The following PARG variants were observed in gnomAD, a reference collection of about 807,000 sequenced individuals.
The protein encoded by PARG is poly(ADP-ribose) glycohydrolase.
In PARG, 35 loss-of-function variants were observed where a neutral mutation model predicts 113.0. That is an observed-to-expected ratio of 0.31 (90% CI 0.24 to 0.41). The LOEUF (loss-of-function observed/expected upper bound fraction) is 0.41, where lower values mean the gene tolerates loss of function less well. Ranked by LOEUF, PARG falls within the 10% of genes least tolerant of loss-of-function variation. The pLI is 1.00. For missense variants in PARG, 797 were observed against 1,169.4 expected (o/e 0.68, Z 4.64); for synonymous variants, 330 against 409.9 (o/e 0.81, Z 2.36).
At chr10:49,821,620 T>TC (rs1275932599) in intron 16 of PARG, among the ~76,000 whole-genome samples, 38 of 152,358 alleles carry the variant, frequency 2.5e-4, no homozygotes, top group African/African-American at 8.9e-4. Context: ...CCTCAAGTGA[T>TC]CTGCCCGTCT....
At chr10:49,878,426 T>G (rs1443965990) in intron 9 of PARG, among the ~76,000 whole-genome samples, 2 of 149,938 alleles carry the variant, frequency 1.3e-5, no homozygotes, top group Non-Finnish European at 3.0e-5. Flanking sequence ...GACACCAGCC[T>G]GGCCAACATG....
intron 13 of PARG, among the ~76,000 whole-genome samples, chr10:49,852,557 C>T (rs1554834371): frequency 6.9e-6 from 1 of 144,302 alleles, no homozygotes; most frequent in African/African-American, 2.5e-5. Context: ...TGGCTACTTT[C>T]TTCTTCTTCT....
At chr10:49,837,992 C>A (rs1298031812) in intron 15 of PARG, among the ~76,000 whole-genome samples, 2 of 152,128 alleles carry the variant, frequency 1.3e-5, no homozygotes, top group African/African-American at 2.4e-5. Context: ...AGTTTATGAT[C>A]ACAAAAGAAG....
chr10:49,818,889 A>T lies in PARG; in HGVS notation c.*451T>A, dbSNP rs575404181. ...AACAATGCAAGCATATTAAGAGTTG[A>T]GTGGAAGGCTCACAGGGAGATTTTT... On this transcript the variant is annotated 3_prime_UTR_variant, in exon 18 of 18. Coordinates refer to ENST00000616448, the MANE Select transcript of PARG (RefSeq NM_003631.5). The T allele has an allele frequency of 1.3e-5, 2 of 153,726 alleles. No homozygotes were observed. Among genetic ancestry groups the T allele is most frequent in the African/African-American group, 4.8e-5 (2 of 41,610 alleles). 9.5% of individuals were successfully genotyped at this position (153,726 alleles called of 1,614,324 possible).
intron 9 of PARG, among the ~76,000 whole-genome samples, chr10:49,879,172 A>G (rs1847097897): frequency 6.6e-6 from 1 of 152,206 alleles, no homozygotes. Context: ...TAAAGGGTCA[A>G]AATCACCTTT....
At chr10:49,827,171 C>T (rs1844401363) in intron 16 of PARG, among the ~76,000 whole-genome samples, 2 of 152,146 alleles carry the variant, frequency 1.3e-5, no homozygotes, top group Admixed American at 1.3e-4. Context: ...TTACAAGGGA[C>T]CGAAGTAATT....
intron 15 of PARG, among the ~76,000 whole-genome samples, chr10:49,839,035 A>G (rs1321851007): frequency 7.2e-5 from 11 of 152,138 alleles, no homozygotes; most frequent in African/African-American, 2.7e-4. Flanking sequence ...CTAAATTAAC[A>G]TTGTCTAAGA....
At chr10:49,834,364 A>G (rs997173372) in intron 15 of PARG, among the ~76,000 whole-genome samples, 3 of 152,220 alleles carry the variant, frequency 2.0e-5, no homozygotes, top group African/African-American at 4.8e-5. Context: ...GTTTTATACT[A>G]TCAGGATGGT....
intron 13 of PARG, among the ~76,000 whole-genome samples, chr10:49,845,518 C>A (rs368349261): frequency 1.3e-5 from 2 of 152,236 alleles, no homozygotes; most frequent in South Asian, 2.1e-4. Context: ...TGAATTTCCT[C>A]TTCAGAGAAG....
At chr10:49,928,033 G>A (rs370250795) in intron 4 of PARG, among the ~76,000 whole-genome samples, 501 of 151,628 alleles carry the variant, frequency 3.3e-3, no homozygotes, top group East Asian at 0.013. Context: ...GCACATTGGG[G>A]GGCCCAGGCG....
rs1554849531 is a variant in PARG at position 49,922,400 on chromosome 10, C to T, written c.1598G>A (p.Gly533Glu). Residue 533 changes from glycine to glutamate, a missense_variant, in exon 6 of 18, where the codon GGG becomes GAG. This residue lies in a region of PARG where 252 missense variants were observed against 437.4 expected (regional missense o/e 0.58). Coordinates refer to ENST00000616448, the MANE Select transcript of PARG (RefSeq NM_003631.5). ...AGTCTGAATGAGCTCCCACCGGCTC[C>T]CCGCAGTTCGCTCACCATTCTTTTG... The part of the protein sequence containing the change: ...VEDENGERTA[G>E]SRWELIQTAL... The T allele has an allele frequency of 6.2e-7, 1 of 1,608,362 alleles. No individual in the cohort carries two copies. The highest frequency in any genetic ancestry group is 8.5e-7 in the Non-Finnish European group (1 of 1,178,164).
At chr10:49,921,711 GAA>G (rs1192949336) in intron 6 of PARG, among the ~76,000 whole-genome samples, 1 of 151,704 alleles carries the variant, frequency 6.6e-6, no homozygotes, top group African/African-American at 2.4e-5. Context: ...ATAAAAACAT[GAA>G]AAGTTTTCAT....
intron 7 of PARG, among the ~76,000 whole-genome samples, chr10:49,899,183 A>G (rs1848238524): frequency 6.6e-6 from 1 of 152,256 alleles, no homozygotes; most frequent in Non-Finnish European, 1.5e-5. Flanking sequence ...TAAACTGTCT[A>G]TAGGCTAAGC....
At chr10:49,938,316 G>A (rs1838844692) in intron 1 of PARG, among the ~76,000 whole-genome samples, 1 of 152,012 alleles carries the variant, frequency 6.6e-6, no homozygotes, top group East Asian at 1.9e-4. Context: ...TTTCCACCCA[G>A]TCTTTTTTTT....
intron 6 of PARG, among the ~76,000 whole-genome samples, chr10:49,916,663 G>C (rs7911715): frequency 0.094 from 14,294 of 151,954 alleles, 1,094 homozygotes; most frequent in East Asian, 0.32. Context: ...CTATACATCT[G>C]GTTTCCAGAG....
At chr10:49,846,102 A>G (rs1564609229) in intron 13 of PARG, among the ~76,000 whole-genome samples, 1 of 151,742 alleles carries the variant, frequency 6.6e-6, no homozygotes, top group Non-Finnish European at 1.5e-5. Context: ...TTGATAAAAA[A>G]TTAACAAAAC....
chr10:49,938,847 A>G (rs1838879002), intron 1 of PARG, among the ~76,000 whole-genome samples: 1 of 152,188 alleles, frequency 6.6e-6, no homozygotes, highest in Admixed American at 6.5e-5. Flanking sequence ...AGATAATTAT[A>G]TATAAAAATT....
At chr10:49,819,941 C>A (rs1225617658) in intron 17 of PARG, among the ~76,000 whole-genome samples, 1 of 152,154 alleles carries the variant, frequency 6.6e-6, no homozygotes, top group Non-Finnish European at 1.5e-5. Flanking sequence ...AGCTTCTTGA[C>A]CTTACTTTAG....
intron 1 of PARG, among the ~76,000 whole-genome samples, chr10:49,940,546 T>C (rs1838984500): frequency 6.6e-6 from 1 of 151,642 alleles, no homozygotes; most frequent in Non-Finnish European, 1.5e-5. Flanking sequence ...AGGCGGAGTT[T>C]CGCTCTTGTT....
Sources: allele counts gnomAD v4.1 joint callset (sites outside exome capture counted in the v4.1 genomes callset), GRCh38; gene constraint gnomAD v4.1.1; regional missense constraint gnomAD v4.1.1; transcripts MANE v1.5; gene names NCBI Gene and HGNC (gene_info 2026-07-23, HGNC 2026-07-21).